Variants in PYROXD1 observed in about 807,000 individuals in gnomAD.
PYROXD1 encodes tRNA ligase complex-associated NAD(P)H dehydrogenase PYROXD1.
In PYROXD1, 42 loss-of-function variants were observed where a neutral mutation model predicts 62.0. The observed-to-expected ratio is 0.68, with a 90% CI of 0.53 to 0.88. The LOEUF is 0.88. PYROXD1 is among the 40% of genes least tolerant of loss of function. The pLI is 0.00. For missense variants in PYROXD1, 493 were observed against 604.8 expected (o/e 0.82, Z 1.94); for synonymous variants, 170 against 206.4 (o/e 0.82, Z 1.51).
chr12:21,470,108 C>A lies in PYROXD1; in HGVS notation c.*1354C>A, dbSNP rs1305866293. On this transcript the variant is annotated 3_prime_UTR_variant, in exon 12 of 12. Coordinates refer to ENST00000240651, the MANE Select transcript of PYROXD1 (RefSeq NM_024854.5). ...ATACATATAAAATATCTATGAAATT[C>A]TTTTAAAAACTATTGTCTAACTACA... is the stretch of plus-strand genomic sequence containing the variant. 11 of 1,375,030 alleles carry A rather than the reference C, an allele frequency of 8.0e-6. No individual in the cohort carries two copies. The highest frequency in any genetic ancestry group is 2.4e-5 in the East Asian group (1 of 41,636). 85.2% of individuals were successfully genotyped at this position (1,375,030 alleles called of 1,614,324 possible).
Position 21,440,355 on chromosome 12 carries a change from T to C in PYROXD1, c.85-13T>C. 1.3e-6 allele frequency: 2 copies of C among 1,541,280 alleles called. No individual in the cohort carries two copies. Among genetic ancestry groups the C allele is most frequent in the Non-Finnish European group, 1.8e-6 (2 of 1,125,144 alleles). ...ATTTGTCCTAATTTTTTTTCTCTCT[T>C]TTTAAAAATAAGTTGGCTACTCACT... On this transcript the variant is annotated splice_polypyrimidine_tract_variant and intron_variant, in intron 1 of 11. Transcript: ENST00000240651.
At chr12:21,450,608 A>G (rs1406853897) in intron 4 of PYROXD1, among the ~76,000 whole-genome samples, 1 of 152,202 alleles carries the variant, frequency 6.6e-6, no homozygotes, top group Non-Finnish European at 1.5e-5. Context: ...TGGTTTCACA[A>G]TACTATGTCT....
chr12:21,461,374 A>G (rs1388732828), intron 8 of PYROXD1, among the ~76,000 whole-genome samples: 1 of 152,180 alleles, frequency 6.6e-6, no homozygotes, highest in Non-Finnish European at 1.5e-5. Context: ...TCTTACATAG[A>G]GCTGAGTGTT....
At chr12:21,438,975 GC>G (rs1325017207) in intron 1 of PYROXD1, among the ~76,000 whole-genome samples, 7 of 152,306 alleles carry the variant, frequency 4.6e-5, no homozygotes, top group Admixed American at 3.3e-4. Context: ...TCTTAGAGGT[GC>G]CTGTGGAGTA....
At chr12:21,464,171 G>A (rs1447885124) in intron 10 of PYROXD1, among the ~76,000 whole-genome samples, 5 of 150,730 alleles carry the variant, frequency 3.3e-5, no homozygotes, top group African/African-American at 1.2e-4. Flanking sequence ...ATTCTCTAGG[G>A]TAAATTATAT....
In PYROXD1 at chr12:21,469,861, A is replaced by AAGAT. The variant is rs1409900289; in HGVS notation, c.*1110_*1113dup. On this transcript the variant is annotated 3_prime_UTR_variant, in exon 12 of 12. Coordinates refer to ENST00000240651, the MANE Select transcript of PYROXD1 (RefSeq NM_024854.5). ...CTGTCAGTATAATATTGCTTTCAAA[A>AAGAT]AGATAGTTATGTCAAAAGAAAAAAT... The AAGAT allele has an allele frequency of 2.8e-4, 55 of 193,130 alleles. No homozygotes were observed. The highest frequency in any genetic ancestry group is 1.2e-3 in the African/African-American group (49 of 41,992). 12.0% of individuals were successfully genotyped at this position (193,130 alleles called of 1,614,324 possible).
At position 21,456,040 on chromosome 12, in the gene PYROXD1, G is replaced by A; in HGVS notation, c.695G>A (p.Gly232Glu). The stretch of plus-strand genomic sequence containing the variant: ...AGCAAATCTAAAGCAGATAATGTAG[G>A]AAGTGCATTGGGACCAGATTGGCAT... ...ARSKSKADNV[G>E]SALGPDWHEG... The change falls in exon 7 of 12, where the codon GGA (glycine) becomes GAA (glutamate). Residue 232 changes from glycine (G) to glutamate (E), a missense_variant. Coordinates refer to ENST00000240651, the MANE Select transcript of PYROXD1 (RefSeq NM_024854.5). 3.1e-6 allele frequency: 5 copies of A among 1,612,086 alleles called. No homozygotes were observed. The South Asian group carries it at 4.4e-5, about 14-fold the overall frequency.
chr12:21,438,420 T>A (rs1942234332), intron 1 of PYROXD1: 1 of 152,356 alleles, frequency 6.6e-6, no homozygotes, highest in Non-Finnish European at 1.5e-5. Flanking sequence ...ATTACAGGCC[T>A]GAGCCACAGC....
At chr12:21,442,988 A>G (rs2137243057) in intron 2 of PYROXD1, among the ~76,000 whole-genome samples, 1 of 151,532 alleles carries the variant, frequency 6.6e-6, no homozygotes, top group Middle Eastern at 3.4e-3. Flanking sequence ...TCTTTGGGCT[A>G]TTTTGGCTTG....
intron 10 of PYROXD1, among the ~76,000 whole-genome samples, chr12:21,465,258 A>G (rs1343723624): frequency 6.6e-6 from 1 of 152,204 alleles, no homozygotes; most frequent in Non-Finnish European, 1.5e-5. Context: ...AACTTCCACA[A>G]TGGTTGAACT....
chr12:21,440,149 T>C (rs1389078193), intron 1 of PYROXD1, among the ~76,000 whole-genome samples: 3 of 152,206 alleles, frequency 2.0e-5, no homozygotes. Context: ...TTGTTAGTGT[T>C]TACTGTAAAT....
intron 7 of PYROXD1, 38 bp from the exon 8 acceptor site, chr12:21,460,987 T>A: frequency 7.7e-7 from 1 of 1,291,796 alleles, no homozygotes; most frequent in Non-Finnish European, 1.0e-6. Flanking sequence ...TTATTCTTTC[T>A]GTAAGTATTA....
intron 10 of PYROXD1, among the ~76,000 whole-genome samples, chr12:21,466,760 T>C (rs1246986388): frequency 1.3e-5 from 2 of 152,150 alleles, no homozygotes; most frequent in African/African-American, 4.8e-5. Flanking sequence ...AGGGAATGCT[T>C]CCAGTTTTTG....
chr12:21,457,023 G>C, intron 7 of PYROXD1: 1 of 327,536 alleles, frequency 3.1e-6, no homozygotes, highest in Non-Finnish European at 6.0e-6. Flanking sequence ...CAGTTCTTTT[G>C]TTATTTCCAC....
intron 11 of PYROXD1, 54 bp from the exon 12 acceptor site, chr12:21,468,452 A>T (rs776749291): frequency 1.1e-4 from 170 of 1,519,860 alleles, no homozygotes; most frequent in Non-Finnish European, 1.2e-4. Context: ...ATAACTACCC[A>T]TTACATTTTC....
chr12:21,450,212 G>C (rs73248030), intron 4 of PYROXD1, among the ~76,000 whole-genome samples: 2,887 of 152,086 alleles, frequency 0.019, 84 homozygotes, highest in African/African-American at 0.065. Flanking sequence ...ATGTTTTTAA[G>C]TTCATGCTGA....
intron 3 of PYROXD1, chr12:21,447,969 C>G (rs1012475415): frequency 1.4e-5 from 4 of 293,154 alleles, no homozygotes. Context: ...GGCGACAGAG[C>G]GAGACTCCAT....
At chr12:21,458,680 TAAG>T (rs1264045333) in intron 7 of PYROXD1, among the ~76,000 whole-genome samples, 1 of 152,106 alleles carries the variant, frequency 6.6e-6, no homozygotes, top group Non-Finnish European at 1.5e-5. Flanking sequence ...TCTCCGGGAA[TAAG>T]GAGGCCCAAG....
intron 2 of PYROXD1, among the ~76,000 whole-genome samples, chr12:21,442,190 ATAAGTGGTGCC>A (rs969555754): frequency 2.6e-5 from 4 of 152,214 alleles, no homozygotes; most frequent in Admixed American, 6.5e-5. Context: ...CTGGTGTCTG[ATAAGTGGTGCC>A]TATGGAGCAG....
Sources: gnomAD v4.1 joint callset for allele counts (sites outside exome capture counted in the v4.1 genomes callset) on GRCh38, gnomAD v4.1.1 for gene constraint, MANE v1.5 for transcripts, NCBI Gene and HGNC (gene_info 2026-07-23, HGNC 2026-07-21) for gene names.